Variants in KIFAP3 observed in about 807,000 individuals in gnomAD.
KIFAP3 encodes the protein kinesin-associated protein 3.
In KIFAP3, 68 loss-of-function variants were observed where a neutral mutation model predicts 106.5. The ratio of observed to expected loss-of-function variants is 0.64; its 90% CI spans 0.53 to 0.78. The LOEUF (loss-of-function observed/expected upper bound fraction) is 0.78, where lower values mean the gene tolerates loss of function less well. Ranked by LOEUF, KIFAP3 falls within the 30% of genes least tolerant of loss-of-function variation. The pLI is 0.00. For synonymous variants in KIFAP3, 320 were observed against 311.5 expected, an observed-to-expected ratio of 1.03 and a Z score of -0.29; for missense variants, 780 against 941.8, an observed-to-expected ratio of 0.83 and a Z score of 2.25.
intron 2 of KIFAP3, among the ~76,000 whole-genome samples, chr1:170,051,324 C>T (rs1169212917): frequency 1.3e-5 from 2 of 151,928 alleles, no homozygotes; most frequent in Non-Finnish European, 2.9e-5. Flanking sequence ...TACAGGACCA[C>T]CCAGATTCAC....
Position 169,992,139 on chromosome 1 carries a change from C to T in KIFAP3, c.1284+16G>A. On this transcript the variant is annotated intron_variant, in intron 11 of 19. Coordinates refer to ENST00000361580, the MANE Select transcript of KIFAP3 (RefSeq NM_014970.4). ...TATTTGTTAAATGTTTTTCATAAAA[C>T]ACTTAAACCACTTACCTGTGGTATA... 2 of 1,275,800 alleles carry T rather than the reference C, an allele frequency of 1.6e-6. No individual in the cohort carries two copies. Among genetic ancestry groups the T allele is most frequent in the Admixed American group, 2.6e-5 (1 of 38,356 alleles). 79.0% of individuals were successfully genotyped at this position (1,275,800 alleles called of 1,614,324 possible). A position where few individuals can be genotyped will look rare whatever the true frequency, so the allele number is the denominator to read the frequency against.
upstream of KIFAP3, among the ~76,000 whole-genome samples, chr1:170,078,318 T>C (rs996976296): frequency 2.0e-5 from 3 of 152,200 alleles, no homozygotes; most frequent in Non-Finnish European, 4.4e-5. Context: ...GGTATGAGCA[T>C]ATTTTCATAT....
chr1:169,947,471 A>G (rs765728027), intron 19 of KIFAP3, among the ~76,000 whole-genome samples: 8 of 151,972 alleles, frequency 5.3e-5, no homozygotes, highest in Non-Finnish European at 1.0e-4. Context: ...GATCCAGCTA[A>G]GAACAAGTAT....
At chr1:170,004,895 G>C (rs1385218431) in intron 10 of KIFAP3, among the ~76,000 whole-genome samples, 1 of 151,616 alleles carries the variant, frequency 6.6e-6, no homozygotes, top group Admixed American at 6.6e-5. Context: ...CACAGCAAAA[G>C]AAACTACCAT....
At chr1:170,040,666 C>G (rs1249617244) in intron 3 of KIFAP3, among the ~76,000 whole-genome samples, 1 of 152,078 alleles carries the variant, frequency 6.6e-6, no homozygotes, top group Non-Finnish European at 1.5e-5. Context: ...ATTTATTGGA[C>G]TATGCGATCT....
chr1:169,998,399 TAC>T lies in KIFAP3; in HGVS notation c.1184-6146_1184-6145del, dbSNP rs1205858764. ...TTCACCAGATATATATATATATATA[TAC>T]ACACACACACACACACACACACACA... On this transcript the variant is annotated intron_variant, in intron 10 of 19. Transcript: ENST00000361580. Among the ~76,000 whole-genome samples the T allele has an allele frequency of 3.0e-3, 290 of 97,784 alleles. 1 individual carries two copies. Among genetic ancestry groups the T allele is most frequent in the Middle Eastern group, 0.018 (3 of 168 alleles). The allele number at this position is 97,784 out of a possible 152,430, so 64.2% of individuals were successfully genotyped here. A position where few individuals can be genotyped will look rare whatever the true frequency, so the allele number is the denominator to read the frequency against.
At chr1:170,052,388 T>C (rs1336271893) in intron 2 of KIFAP3, among the ~76,000 whole-genome samples, 1 of 152,146 alleles carries the variant, frequency 6.6e-6, no homozygotes, top group Non-Finnish European at 1.5e-5. Context: ...AACAGATGGA[T>C]TCACTGCAGA....
At chr1:169,979,991 A>G (rs1571598623) in intron 15 of KIFAP3, among the ~76,000 whole-genome samples, 2 of 152,206 alleles carry the variant, frequency 1.3e-5, no homozygotes, top group African/African-American at 4.8e-5. Flanking sequence ...TGTCACAAAT[A>G]TAAGGTAGAA....
intron 10 of KIFAP3, among the ~76,000 whole-genome samples, chr1:170,001,472 T>G (rs939549878): frequency 2.6e-5 from 4 of 152,122 alleles, no homozygotes; most frequent in Admixed American, 2.0e-4. Context: ...CAAGCAATCT[T>G]GATATGAGTC....
At chr1:170,012,278 G>A (rs1238113603) in intron 10 of KIFAP3, among the ~76,000 whole-genome samples, 5 of 151,974 alleles carry the variant, frequency 3.3e-5, no homozygotes, top group African/African-American at 1.2e-4. Context: ...TGGCGTTCTG[G>A]GGCCATTTAG....
chr1:170,017,070 A>G (rs1035348739), intron 9 of KIFAP3, among the ~76,000 whole-genome samples: 4 of 152,192 alleles, frequency 2.6e-5, no homozygotes, highest in Admixed American at 2.6e-4. Flanking sequence ...CATCCTGGCC[A>G]GCGTGGTGAA....
upstream of KIFAP3, among the ~76,000 whole-genome samples, chr1:170,075,546 C>T (rs1205399489): frequency 6.6e-6 from 1 of 152,172 alleles, no homozygotes; most frequent in African/African-American, 2.4e-5. Flanking sequence ...AAATGTAGTA[C>T]ATTGATGCAA....
At position 169,983,776 on chromosome 1, in the gene KIFAP3, T is replaced by C. The variant is rs147122398; in HGVS notation, c.1394-394A>G. 4.5e-3 allele frequency among the ~76,000 whole-genome samples: 690 copies of C among 152,056 alleles called. 1 individual carries two copies. Among genetic ancestry groups the C allele is most frequent in the African/African-American group, 0.016 (654 of 41,566 alleles). On this transcript the variant is annotated intron_variant, in intron 12 of 19. Transcript: ENST00000361580. ...TACTTTTGACTCAGAAAAATTGTAC[T>C]TCTGGGAATTTATCCTAACAATATA...
At chr1:170,007,891 A>C (rs1451886262) in intron 10 of KIFAP3, among the ~76,000 whole-genome samples, 1 of 152,204 alleles carries the variant, frequency 6.6e-6, no homozygotes, top group African/African-American at 2.4e-5. Context: ...ACAGTAACCA[A>C]AACAGCATGG....
chr1:169,931,477 G>A (rs181928913), intron 19 of KIFAP3, among the ~76,000 whole-genome samples: 2 of 152,184 alleles, frequency 1.3e-5, no homozygotes, highest in African/African-American at 4.8e-5. Flanking sequence ...GGCTTTTTCT[G>A]GCAATATTTT....
At chr1:170,028,139 A>G (rs940668647) in intron 8 of KIFAP3, among the ~76,000 whole-genome samples, 1 of 152,140 alleles carries the variant, frequency 6.6e-6, no homozygotes, top group Admixed American at 6.5e-5. Context: ...AATATGTCCT[A>G]CAAGAAACGT....
At chr1:169,984,733 C>G in intron 11 of KIFAP3, 43 bp from the exon 12 acceptor site, 2 of 1,022,040 alleles carry the variant, frequency 2.0e-6, no homozygotes, top group Admixed American at 3.9e-5. Flanking sequence ...GAAACAAAGA[C>G]AAAAAACCAA....
At chr1:170,076,529 C>T (rs573738099), upstream of KIFAP3, among the ~76,000 whole-genome samples, 66 of 152,176 alleles carry the variant, frequency 4.3e-4, no homozygotes, top group African/African-American at 1.6e-3. Context: ...TAATGATACT[C>T]AACAACATAG....
chr1:170,039,143 G>A (rs1469777031), intron 4 of KIFAP3, 90 bp downstream of exon 4: 10 of 601,604 alleles, frequency 1.7e-5, no homozygotes, highest in Non-Finnish European at 2.8e-5. Flanking sequence ...AATACCACAT[G>A]TGCTTAATGT....
Sources: gnomAD v4.1 joint callset for allele counts (sites outside exome capture counted in the v4.1 genomes callset) on GRCh38, gnomAD v4.1.1 for gene constraint, MANE v1.5 for transcripts, NCBI Gene and HGNC (gene_info 2026-07-23, HGNC 2026-07-21) for gene names.